ATP8A2: variants seen among roughly 807,000 people sequenced by gnomAD.
ATP8A2 encodes phospholipid-transporting ATPase IB.
ATP8A2 carries 100 observed loss-of-function variants against 165.6 expected under a neutral mutation model. The observed-to-expected ratio is 0.60, with a 90% CI of 0.51 to 0.71. The LOEUF (loss-of-function observed/expected upper bound fraction) is 0.71, where lower values mean the gene tolerates loss of function less well. Ranked by LOEUF, ATP8A2 falls within the 30% of genes least tolerant of loss-of-function variation. ATP8A2 has a pLI of 0.00. For missense variants in ATP8A2, 1,227 were observed against 1,479.5 expected (o/e 0.83, Z 2.80); for synonymous variants, 543 against 548.8 (o/e 0.99, Z 0.15).
intron 1 of ATP8A2, among the ~76,000 whole-genome samples, chr13:25,434,818 G>A (rs571451495): frequency 7.2e-5 from 11 of 152,240 alleles, no homozygotes; most frequent in Non-Finnish European, 1.3e-4. Context: ...AGTGCAAATA[G>A]GCTTGCTGCA....
rs1321029774 is a variant in ATP8A2, at chr13:26,025,188, C to T, written c.*5203C>T. ...GCCCTGTCATGGAATTTCTCTCCTT[C>T]CCTGCACAGTAAAGACTTTTGGGTT... On this transcript the variant is annotated 3_prime_UTR_variant, in exon 37 of 37. Transcript: ENST00000381655. 6.6e-6 allele frequency: 1 copy of T among 151,604 alleles called. No homozygotes were observed. Among genetic ancestry groups the T allele is most frequent in the African/African-American group, 2.4e-5 (1 of 41,286 alleles). The allele number at this position is 151,604 out of a possible 1,614,324, so 9.4% of individuals were successfully genotyped here. A position where few individuals can be genotyped will look rare whatever the true frequency, so the allele number is the denominator to read the frequency against.
At chr13:25,994,917 T>C (rs1189688861) in intron 35 of ATP8A2, among the ~76,000 whole-genome samples, 2 of 152,104 alleles carry the variant, frequency 1.3e-5, no homozygotes, top group Non-Finnish European at 2.9e-5. Flanking sequence ...TCCTTTTCTG[T>C]TTTCTGGAAG....
chr13:25,426,660 G>T (rs1352529572), intron 1 of ATP8A2, among the ~76,000 whole-genome samples: 1 of 151,990 alleles, frequency 6.6e-6, no homozygotes, highest in Non-Finnish European at 1.5e-5. Flanking sequence ...TAATGTATCA[G>T]GGCCGGGCAC....
intron 24 of ATP8A2, among the ~76,000 whole-genome samples, chr13:25,623,153 G>A (rs547830427): frequency 6.6e-6 from 1 of 152,298 alleles, no homozygotes; most frequent in East Asian, 1.9e-4. Context: ...GGAGGCCAAG[G>A]CGGGAGGATC....
At chr13:25,685,066 C>T (rs1448577806) in intron 24 of ATP8A2, among the ~76,000 whole-genome samples, 1 of 152,170 alleles carries the variant, frequency 6.6e-6, no homozygotes, top group Non-Finnish European at 1.5e-5. Flanking sequence ...ACTCCTCCTG[C>T]TTGTGGTTCC....
At chr13:25,689,778 G>A (rs1352378584) in intron 24 of ATP8A2, among the ~76,000 whole-genome samples, 2 of 152,054 alleles carry the variant, frequency 1.3e-5, no homozygotes, top group Non-Finnish European at 2.9e-5. Flanking sequence ...GATTATGGAG[G>A]TCATTTTATA....
At chr13:25,850,073 C>G (rs1331945865) in intron 30 of ATP8A2, among the ~76,000 whole-genome samples, 1 of 152,216 alleles carries the variant, frequency 6.6e-6, no homozygotes, top group Non-Finnish European at 1.5e-5. Context: ...GCCCTCCTGT[C>G]TCATCTCAGC....
intron 24 of ATP8A2, among the ~76,000 whole-genome samples, chr13:25,657,261 T>A (rs6491080): frequency 0.99 from 150,413 of 152,046 alleles, 74,411 homozygotes; most frequent in East Asian, 1. Flanking sequence ...GTATCCTCTT[T>A]TGCCTTGTCT....
At chr13:25,940,589 C>T (rs368404541) in intron 33 of ATP8A2, among the ~76,000 whole-genome samples, 2 of 152,342 alleles carry the variant, frequency 1.3e-5, no homozygotes, top group African/African-American at 4.8e-5. Context: ...ACAGGTCCCA[C>T]TGACGAGGAC....
chr13:25,784,173 G>A (rs1398058249), intron 27 of ATP8A2, among the ~76,000 whole-genome samples: 1 of 54,126 alleles, frequency 1.8e-5, no homozygotes, highest in Admixed American at 2.4e-4. Flanking sequence ...ATGTTTTTAG[G>A]CATTGATGGT....
rs535523069 is a variant in ATP8A2, at chr13:25,929,345, A to C, written c.3184-32230A>C. 4.6e-4 allele frequency among the ~76,000 whole-genome samples: 70 copies of C among 152,272 alleles called. 1 individual carries two copies. The South Asian group carries it at 0.013, about 29-fold the overall frequency. On this transcript the variant is annotated intron_variant, in intron 33 of 36. Transcript: ENST00000381655. ...ATCCTGGAACGGTGAGGCTGCAAGC[A>C]AGAGGAAAGGTGGCCCACATGAGGG...
intron 5 of ATP8A2, 108 bp downstream of exon 5, chr13:25,532,425 A>T: frequency 2.9e-6 from 2 of 700,664 alleles, no homozygotes; most frequent in Non-Finnish European, 4.8e-6. Context: ...AATTGGGAAG[A>T]TGATCTATAA....
At chr13:25,397,422 C>T (rs34843881) in intron 1 of ATP8A2, among the ~76,000 whole-genome samples, 16,418 of 152,176 alleles carry the variant, frequency 0.11, 1,076 homozygotes, top group African/African-American at 0.18. Flanking sequence ...GCCTACTCTG[C>T]TGCTGCTGGC....
chr13:25,981,211 T>C (rs568985865), intron 35 of ATP8A2, among the ~76,000 whole-genome samples: 2 of 152,372 alleles, frequency 1.3e-5, no homozygotes, highest in African/African-American at 4.8e-5. Flanking sequence ...ATTTTTGTTC[T>C]TGATTATATT....
intron 1 of ATP8A2, among the ~76,000 whole-genome samples, chr13:25,393,101 T>A: frequency 6.6e-6 from 1 of 151,606 alleles, no homozygotes; most frequent in East Asian, 1.9e-4. Context: ...TCATGGATAC[T>A]TTTTTTTAGC....
intron 9 of ATP8A2, among the ~76,000 whole-genome samples, chr13:25,542,452 T>A (rs2038511214): frequency 6.6e-6 from 1 of 151,794 alleles, no homozygotes; most frequent in Admixed American, 6.6e-5. Context: ...TTGAGTGAAA[T>A]GAACACTTAT....
intron 1 of ATP8A2, among the ~76,000 whole-genome samples, chr13:25,421,732 G>C (rs1216252546): frequency 2.6e-5 from 4 of 152,216 alleles, no homozygotes; most frequent in African/African-American, 4.8e-5. Flanking sequence ...GTAGACACTA[G>C]AGAAAAGAAA....
intron 35 of ATP8A2, among the ~76,000 whole-genome samples, chr13:26,003,139 C>T (rs1216304898): frequency 6.6e-6 from 1 of 151,390 alleles, no homozygotes; most frequent in African/African-American, 2.4e-5. Flanking sequence ...TTTGTATTCC[C>T]ATCAACAGTG....
chr13:25,431,891 C>T (rs1010032323), intron 1 of ATP8A2, among the ~76,000 whole-genome samples: 1 of 152,146 alleles, frequency 6.6e-6, no homozygotes, highest in African/African-American at 2.4e-5. Context: ...CAGTCACTCC[C>T]CTTCTCCCTG....
Sources: gnomAD v4.1 joint callset for allele counts (sites outside exome capture counted in the v4.1 genomes callset) on GRCh38, gnomAD v4.1.1 for gene constraint, MANE v1.5 for transcripts, NCBI Gene and HGNC (gene_info 2026-07-23, HGNC 2026-07-21) for gene names.